Variants in MIA2 observed in about 807,000 individuals in gnomAD.
The protein encoded by MIA2 is melanoma inhibitory activity protein 2.
A neutral mutation model predicts 167.8 loss-of-function variants in MIA2; 127 were observed. That is an observed-to-expected ratio of 0.76 (90% CI 0.66 to 0.88). The LOEUF is 0.88. MIA2 is among the 40% of genes least tolerant of loss of function. The probability of loss-of-function intolerance (pLI) is 0.00; values close to 1 mark genes in which losing one functional copy is unlikely to be tolerated. For synonymous variants in MIA2, 552 were observed against 541.9 expected (o/e 1.02, Z -0.26); for missense variants, 1,690 against 1,624.7 (o/e 1.04, Z -0.69).
At chr14:39,244,879 G>T (rs1435201361) in intron 3 of MIA2, among the ~76,000 whole-genome samples, 2 of 151,960 alleles carry the variant, frequency 1.3e-5, no homozygotes, top group Non-Finnish European at 2.9e-5. Context: ...CCAGGCTCAA[G>T]TGATCTTCCC....
chr14:39,347,751 G>A lies in MIA2; in HGVS notation c.3817G>A (p.Asp1273Asn). 6.3e-7 allele frequency: 1 copy of A among 1,599,200 alleles called. No individual in the cohort carries two copies. The highest frequency in any genetic ancestry group is 1.4e-5 in the African/African-American group (1 of 73,974). Residue 1273 changes from aspartate to asparagine, a missense_variant, in exon 27 of 29, where the codon GAT becomes AAT. Coordinates refer to ENST00000640607, the MANE Select transcript of MIA2 (RefSeq NM_001329214.4). ...MPSEMESSRN[D>N]TKDDLGNLNV... ...TTCAGAAATGGAATCCAGTAGAAATGATACCAAAGATGATCTTGGTGTAAG... is the reference window on the plus strand; with the variant it reads ...TTCAGAAATGGAATCCAGTAGAAATAATACCAAAGATGATCTTGGTGTAAG...
intron 1 of MIA2, among the ~76,000 whole-genome samples, chr14:39,235,809 T>C (rs1566579270): frequency 6.6e-6 from 1 of 152,040 alleles, no homozygotes; most frequent in Non-Finnish European, 1.5e-5. Flanking sequence ...AAAAAATTTT[T>C]CTTTCCCTCT....
intron 25 of MIA2, among the ~76,000 whole-genome samples, chr14:39,343,049 G>T (rs1367462949): frequency 6.6e-6 from 1 of 152,150 alleles, no homozygotes; most frequent in Non-Finnish European, 1.5e-5. Context: ...TACTAACAGT[G>T]CTGCAGCTAG....
intron 12 of MIA2, among the ~76,000 whole-genome samples, chr14:39,294,695 T>C (rs1199075275): frequency 6.6e-6 from 1 of 152,130 alleles, no homozygotes; most frequent in Non-Finnish European, 1.5e-5. Context: ...GCACAGTACA[T>C]AGAAAGTTAC....
At chr14:39,267,362 A>T (rs1373897230) in intron 6 of MIA2, 1 of 1,585,828 alleles carries the variant, frequency 6.3e-7, no homozygotes, top group Non-Finnish European at 8.5e-7. Context: ...CCGGGTGCGG[A>T]TTCGGGTTCC....
At chr14:39,308,357 T>G (rs534790385) in intron 17 of MIA2, 92 bp from the exon 18 acceptor site, 48 of 772,084 alleles carry the variant, frequency 6.2e-5, no homozygotes, top group Admixed American at 2.6e-4. Flanking sequence ...TTATTAATAA[T>G]TTATTATTTT....
chr14:39,313,153 G>T (rs2064653452), intron 18 of MIA2, among the ~76,000 whole-genome samples, 187 bp from the exon 19 acceptor site: 1 of 101,018 alleles, frequency 9.9e-6, no homozygotes. Context: ...TACAATTTCG[G>T]TTTATAATAT....
chr14:39,282,696 C>A (rs2059119680), intron 9 of MIA2, among the ~76,000 whole-genome samples: 1 of 152,152 alleles, frequency 6.6e-6, no homozygotes, highest in African/African-American at 2.4e-5. Context: ...ACCTCAGACT[C>A]CTGAGTAACT....
chr14:39,285,788 G>T (rs1342083767), intron 9 of MIA2, among the ~76,000 whole-genome samples: 3 of 150,980 alleles, frequency 2.0e-5, no homozygotes, highest in Non-Finnish European at 4.4e-5. Flanking sequence ...GGGCGGAGGG[G>T]CTCCTCACTT....
intron 2 of MIA2, among the ~76,000 whole-genome samples, chr14:39,238,139 C>A (rs2053847653): frequency 6.6e-6 from 1 of 151,872 alleles, no homozygotes; most frequent in Non-Finnish European, 1.5e-5. Context: ...TGAAGAGATC[C>A]CCAGAAAGGC....
intron 18 of MIA2, 143 bp from the exon 19 acceptor site, chr14:39,313,196 CT>C (rs549292566): frequency 9.1e-4 from 380 of 416,076 alleles, no homozygotes; most frequent in South Asian, 1.3e-3. Flanking sequence ...TACACAGATA[CT>C]TTTTTTTTCC....
intron 19 of MIA2, among the ~76,000 whole-genome samples, chr14:39,313,720 G>C (rs1404163783): frequency 6.6e-6 from 1 of 152,072 alleles, no homozygotes; most frequent in African/African-American, 2.4e-5. Flanking sequence ...TCTATTTTAT[G>C]TTAGTGTCAA....
chr14:39,263,628 TC>T (rs1477593805), intron 6 of MIA2, among the ~76,000 whole-genome samples: 4 of 126,680 alleles, frequency 3.2e-5, no homozygotes, highest in African/African-American at 1.4e-4. Flanking sequence ...CCTCTCTCTC[TC>T]TCTCTTTTTT....
chr14:39,268,326 CAT>C (rs1285878083), intron 6 of MIA2, among the ~76,000 whole-genome samples: 2 of 151,902 alleles, frequency 1.3e-5, no homozygotes, highest in African/African-American at 4.8e-5. Flanking sequence ...TTTATGAGTT[CAT>C]AGTTTGTCTA....
chr14:39,348,873 G>A lies in MIA2; in HGVS notation c.3968G>A (p.Arg1323Lys). Residue 1323 changes from arginine to lysine, a missense_variant, in exon 28 of 29, where the codon AGA (arginine) becomes AAA (lysine). Coordinates refer to ENST00000640607, the MANE Select transcript of MIA2 (RefSeq NM_001329214.4). Reference protein sequence around the residue: ...PVDARGPFLRRGPPFPPPPPG... With the variant: ...PVDARGPFLRKGPPFPPPPPG... The stretch of plus-strand genomic sequence containing the variant: ...GATGCAAGAGGCCCATTCTTGAGAA[G>A]AGGACCTCCTTTCCCCCCACCTCCT... The A allele has an allele frequency of 6.2e-7, 1 of 1,614,134 alleles. No homozygotes were observed. Among genetic ancestry groups the A allele is most frequent in the Non-Finnish European group, 8.5e-7 (1 of 1,180,014 alleles).
Position 39,247,529 on chromosome 14 carries a change from G to A in MIA2, c.955G>A (p.Gly319Ser), listed in dbSNP as rs1436719924. The change falls in exon 4 of 29, where the codon GGT becomes AGT. Residue 319 changes from glycine to serine, a missense_variant. Coordinates refer to ENST00000640607, the MANE Select transcript of MIA2 (RefSeq NM_001329214.4). ...TGGTGGAGGATTTACAAGTTATTTA[G>A]GTTTTGGAGATGAGGATACAGGGCT... ...WFGGGFTSYLGFGDEDTGLEL... is the reference protein window; with the variant it reads ...WFGGGFTSYLSFGDEDTGLEL... 1.2e-6 allele frequency: 2 copies of A among 1,613,896 alleles called. No individual in the cohort carries two copies. Among genetic ancestry groups the A allele is most frequent in the African/African-American group, 2.7e-5 (2 of 74,890 alleles).
chr14:39,255,476 C>T (rs1015238090), intron 6 of MIA2, among the ~76,000 whole-genome samples: 40 of 152,292 alleles, frequency 2.6e-4, no homozygotes, highest in African/African-American at 9.6e-4. Flanking sequence ...CCACTGCACT[C>T]CAGCCTGGGC....
intron 22 of MIA2, among the ~76,000 whole-genome samples, chr14:39,318,487 G>A (rs1274078906): frequency 6.6e-6 from 1 of 152,158 alleles, no homozygotes; most frequent in African/African-American, 2.4e-5. Context: ...GGAAGAATAA[G>A]TGCTTTTCTG....
intron 25 of MIA2, among the ~76,000 whole-genome samples, chr14:39,332,303 A>T (rs1026097344): frequency 1.3e-5 from 2 of 151,970 alleles, no homozygotes; most frequent in African/African-American, 4.8e-5. Flanking sequence ...CAGGTCATTT[A>T]TGTTCTTCTC....
Sources: allele counts gnomAD v4.1 joint callset (sites outside exome capture counted in the v4.1 genomes callset), GRCh38; gene constraint gnomAD v4.1.1; transcripts MANE v1.5; gene names NCBI Gene and HGNC (gene_info 2026-07-23, HGNC 2026-07-21).